The following ZNF827 variants were observed in gnomAD, a reference collection of about 807,000 sequenced individuals.
ZNF827 encodes the protein zinc finger protein 827.
In ZNF827, 13 loss-of-function variants were observed where a neutral mutation model predicts 102.4. The ratio of observed to expected loss-of-function variants is 0.13; its 90% confidence interval spans 0.08 to 0.20. The LOEUF is 0.20. ZNF827 is among the 10% of genes least tolerant of loss of function. The pLI, the probability that ZNF827 is intolerant of heterozygous loss-of-function variation, is 1.00. For missense variants in ZNF827, 1,103 were observed against 1,344.4 expected, an observed-to-expected ratio of 0.82 and a Z score of 2.81; for synonymous variants, 523 against 536.2, an observed-to-expected ratio of 0.98 and a Z score of 0.34.
At chr4:145,863,404 C>G (rs1269031444) in intron 5 of ZNF827, among the ~76,000 whole-genome samples, 1 of 152,132 alleles carries the variant, frequency 6.6e-6, no homozygotes, top group Non-Finnish European at 1.5e-5. Context: ...TAGGTATATA[C>G]CCAAGAGAAT....
chr4:145,870,332 C>T lies in ZNF827; in HGVS notation c.1894G>A (p.Ala632Thr), dbSNP rs778278141. 15 of 1,614,016 alleles carry T rather than the reference C, an allele frequency of 9.3e-6. No homozygotes were observed. The highest frequency in any genetic ancestry group is 1.6e-4 in the Middle Eastern group (1 of 6,082). Residue 632 changes from alanine to threonine, a missense_variant, in exon 5 of 15, where the codon GCA becomes ACA. This residue lies in a region of ZNF827 where 243 missense variants were observed against 251.6 expected (regional missense o/e 0.97). Transcript: ENST00000508784. ...CCCTTCCCTTCCTGGGGCTTTAGTG[C>T]GTCCTCAGAGACGCCTGGGGCTGAC... is the stretch of plus-strand genomic sequence containing the variant. ...EVSAPGVSED[A>T]LKPQEGKGSV...
chr4:145,779,654 T>C (rs943813360), intron 8 of ZNF827, 143 bp from the exon 9 acceptor site: 4 of 1,195,868 alleles, frequency 3.3e-6, no homozygotes, highest in Non-Finnish European at 4.6e-6. Context: ...CTGGTTTTCC[T>C]GCTCATTTCC....
intron 11 of ZNF827, among the ~76,000 whole-genome samples, chr4:145,771,256 TTA>T (rs1296097345): frequency 1.3e-5 from 2 of 152,260 alleles, no homozygotes; most frequent in Non-Finnish European, 2.9e-5. Context: ...GAAGAAATTT[TTA>T]TGTGTCAGAT....
At chr4:145,807,776 A>AAAAAAAAAAACAAAAAACAAAAAC (rs1364157365) in intron 8 of ZNF827, among the ~76,000 whole-genome samples, 13 of 149,150 alleles carry the variant, frequency 8.7e-5, no homozygotes, top group African/African-American at 2.4e-4. Context: ...GGCTGCTTTA[A>AAAAAAAAAAACAAAAAACAAAAAC]AAAAAAAAAA....
At chr4:145,884,699 G>A (rs1351713152) in intron 4 of ZNF827, among the ~76,000 whole-genome samples, 5 of 151,918 alleles carry the variant, frequency 3.3e-5, no homozygotes, top group African/African-American at 1.2e-4. Flanking sequence ...TCAACACCAC[G>A]ACTTAAATCA....
intron 11 of ZNF827, among the ~76,000 whole-genome samples, chr4:145,767,684 T>C (rs1735522011): frequency 6.6e-6 from 1 of 152,230 alleles, no homozygotes. Context: ...CTGGACACTA[T>C]GCAAGTAAGA....
chr4:145,908,741 A>G (rs1360236015), intron 1 of ZNF827, among the ~76,000 whole-genome samples: 1 of 152,228 alleles, frequency 6.6e-6, no homozygotes, highest in Non-Finnish European at 1.5e-5. Context: ...TTCCCTGCAA[A>G]GGGAAACAGA....
intron 8 of ZNF827, among the ~76,000 whole-genome samples, chr4:145,803,248 T>C (rs1741090539): frequency 6.6e-6 from 1 of 152,218 alleles, no homozygotes; most frequent in South Asian, 2.1e-4. Flanking sequence ...TTTCACCTAC[T>C]TAGTTATGAC....
At chr4:145,786,399 C>T (rs1401897596) in intron 8 of ZNF827, among the ~76,000 whole-genome samples, 1 of 152,186 alleles carries the variant, frequency 6.6e-6, no homozygotes, top group East Asian at 1.9e-4. Context: ...AATATGACCT[C>T]AATGCATAAA....
intron 8 of ZNF827, among the ~76,000 whole-genome samples, chr4:145,815,377 A>C (rs767696304): frequency 1.3e-5 from 2 of 152,212 alleles, no homozygotes; most frequent in Admixed American, 1.3e-4. Flanking sequence ...AGACACAATG[A>C]ATGAGAGAGA....
At chr4:145,768,578 C>A (rs1735674534) in intron 11 of ZNF827, among the ~76,000 whole-genome samples, 2 of 151,954 alleles carry the variant, frequency 1.3e-5, no homozygotes, top group African/African-American at 4.8e-5. Context: ...ACAGATTCAA[C>A]ATGACCCCAT....
At position 145,800,113 on chromosome 4, in the gene ZNF827, T is replaced by C. The variant is rs183383979; in HGVS notation, c.2384-20602A>G. Among the ~76,000 whole-genome samples the C allele has an allele frequency of 1.3e-3, 199 of 152,362 alleles. 1 individual carries two copies. In the Middle Eastern group the frequency reaches 0.014, roughly 10 times the overall value. Reference sequence around the variant, plus strand: ...AGTAGGACCCCTGCTCTATAATGCATATGTTCTCTTTCTTGAGATTTCAAT... The same window carrying C: ...AGTAGGACCCCTGCTCTATAATGCACATGTTCTCTTTCTTGAGATTTCAAT... On this transcript the variant is annotated intron_variant, in intron 8 of 14. Coordinates refer to ENST00000508784, the MANE Select transcript of ZNF827 (RefSeq NM_001306215.2).
Position 145,870,129 on chromosome 4 carries a change from A to G in ZNF827, c.1981+116T>C. ...AGTAATCTGATCGTTCTTTGAATTC[A>G]CAGCAATAATGCGATATTGCTGCCA... On this transcript the variant is annotated intron_variant, in intron 5 of 14. Coordinates refer to ENST00000508784, the MANE Select transcript of ZNF827 (RefSeq NM_001306215.2). 3 of 957,080 alleles carry G rather than the reference A, an allele frequency of 3.1e-6. No homozygotes were observed. The South Asian group carries it at 5.1e-5, about 16-fold the overall frequency. 59.3% of individuals were successfully genotyped at this position (957,080 alleles called of 1,614,324 possible). A position where few individuals can be genotyped will look rare whatever the true frequency, so the allele number is the denominator to read the frequency against.
At chr4:145,869,670 G>A (rs893564660) in intron 5 of ZNF827, among the ~76,000 whole-genome samples, 1 of 152,030 alleles carries the variant, frequency 6.6e-6, no homozygotes, top group African/African-American at 2.4e-5. Context: ...CATTTAATAC[G>A]CTGAGATTAC....
At chr4:145,927,212 G>C (rs1469628186) in intron 1 of ZNF827, among the ~76,000 whole-genome samples, 2 of 152,018 alleles carry the variant, frequency 1.3e-5, no homozygotes, top group Non-Finnish European at 2.9e-5. Context: ...CCTAATTCTA[G>C]GCCATTACGC....
Position 145,796,715 on chromosome 4 carries a change from T to C in ZNF827, c.2384-17204A>G, listed in dbSNP as rs1339696212. Among the ~76,000 whole-genome samples, 5 of 149,104 alleles carry C rather than the reference T, an allele frequency of 3.4e-5. No individual in the cohort carries two copies. In the East Asian group the frequency reaches 9.7e-4, roughly 29 times the overall value. Reference sequence around the variant, plus strand: ...CACGATCTCAGCTCACTGCAACCTCTGCCTCCCGGGTGCAAGCAATTCTCC... The same window carrying C: ...CACGATCTCAGCTCACTGCAACCTCCGCCTCCCGGGTGCAAGCAATTCTCC... On this transcript the variant is annotated intron_variant, in intron 8 of 14. Transcript: ENST00000508784.
rs1223947080 is a variant in ZNF827, at chr4:145,760,884, G to C, written c.*732C>G. 1.6e-6 allele frequency: 2 copies of C among 1,228,588 alleles called. No homozygotes were observed. The highest frequency in any genetic ancestry group is 2.9e-5 in the South Asian group (2 of 69,944). 76.1% of individuals were successfully genotyped at this position (1,228,588 alleles called of 1,614,324 possible). A position where few individuals can be genotyped will look rare whatever the true frequency, so the allele number is the denominator to read the frequency against. ...TCTGAGGTCGGGGAGGGTGGAATGT[G>C]AGATCCAAGTGGTTCTTGGGGTATA... On this transcript the variant is annotated 3_prime_UTR_variant, in exon 15 of 15. Coordinates refer to ENST00000508784, the MANE Select transcript of ZNF827 (RefSeq NM_001306215.2).
intron 1 of ZNF827, among the ~76,000 whole-genome samples, chr4:145,936,913 T>C (rs1579613850): frequency 6.6e-6 from 1 of 151,584 alleles, no homozygotes; most frequent in African/African-American, 2.4e-5. Flanking sequence ...AGGGGAGTAG[T>C]GTGGGGGGAG....
chr4:145,833,597 C>T (rs138887756), intron 7 of ZNF827, among the ~76,000 whole-genome samples: 1,602 of 152,196 alleles, frequency 0.011, 24 homozygotes, highest in African/African-American at 0.036. Flanking sequence ...CGGCAAGTCC[C>T]GCTTTTCTAC....
Sources: allele counts gnomAD v4.1 joint callset (sites outside exome capture counted in the v4.1 genomes callset), GRCh38; gene constraint gnomAD v4.1.1; regional missense constraint gnomAD v4.1.1; transcripts MANE v1.5; gene names NCBI Gene and HGNC (gene_info 2026-07-23, HGNC 2026-07-21).